PCBP3: variants seen among roughly 807,000 people sequenced by gnomAD.
PCBP3 encodes poly(rC) binding protein 3.
A neutral mutation model predicts 52.7 loss-of-function variants in PCBP3; 25 were observed. That is an observed-to-expected ratio of 0.47 (90% CI 0.35 to 0.66). The LOEUF (loss-of-function observed/expected upper bound fraction) is 0.66, where lower values mean the gene tolerates loss of function less well. Ranked by LOEUF, PCBP3 falls within the 30% of genes least tolerant of loss-of-function variation. The probability of loss-of-function intolerance (pLI) is 0.01; values close to 1 mark genes in which losing one functional copy is unlikely to be tolerated. For missense variants in PCBP3, 391 were observed against 490.3 expected (o/e 0.80, Z 1.91); for synonymous variants, 162 against 183.0 (o/e 0.89, Z 0.93).
At chr21:45,843,801 G>T (rs906915451) in intron 4 of PCBP3, among the ~76,000 whole-genome samples, 1 of 152,204 alleles carries the variant, frequency 6.6e-6, no homozygotes, top group East Asian at 1.9e-4. Context: ...TTTTTGTTTT[G>T]TTCTCTGAGA....
At chr21:45,834,447 C>T (rs2093532517) in intron 4 of PCBP3, among the ~76,000 whole-genome samples, 1 of 152,224 alleles carries the variant, frequency 6.6e-6, no homozygotes, top group Non-Finnish European at 1.5e-5. Flanking sequence ...GGGGTGGCGT[C>T]CCCATGCAGC....
At position 45,909,440 on chromosome 21, in the gene PCBP3, G is replaced by A; in HGVS notation, c.425G>A (p.Gly142Glu). 1.2e-6 allele frequency: 2 copies of A among 1,613,468 alleles called. No homozygotes were observed. Among genetic ancestry groups the A allele is most frequent in the Non-Finnish European group, 1.7e-6 (2 of 1,179,790 alleles). Reference sequence around the variant, plus strand: ...CTGGTGGTGCCTGCCAGCCAGTGTGGGTCCCTGATCGGCAAAGGAGGCTCC... The same window carrying A: ...CTGGTGGTGCCTGCCAGCCAGTGTGAGTCCCTGATCGGCAAAGGAGGCTCC... Reference protein sequence around the residue: ...LRLVVPASQCGSLIGKGGSKI... With the variant: ...LRLVVPASQCESLIGKGGSKI... Residue 142 changes from glycine (G) to glutamate (E), a missense_variant, in exon 10 of 18, where the codon GGG becomes GAG. Gly to Glu is a moderately conservative substitution (Grantham distance 98, BLOSUM62 -2). Transcript: ENST00000681687.
intron 5 of PCBP3, among the ~76,000 whole-genome samples, chr21:45,851,528 G>A (rs2094002638): frequency 6.6e-6 from 1 of 151,972 alleles, no homozygotes; most frequent in African/African-American, 2.4e-5. Flanking sequence ...GAAAGAAAGT[G>A]AAGGGATGAT....
intron 4 of PCBP3, among the ~76,000 whole-genome samples, chr21:45,799,003 TAGAG>T (rs1398503731): frequency 6.7e-6 from 1 of 149,504 alleles, no homozygotes; most frequent in Non-Finnish European, 1.5e-5. Context: ...CATGGATCCA[TAGAG>T]AGAGTGAATG....
In PCBP3 at chr21:45,791,566, C is replaced by A. The variant is rs2146386180; in HGVS notation, c.-126+36114C>A. 6.6e-6 allele frequency among the ~76,000 whole-genome samples: 1 copy of A among 152,326 alleles called. No individual in the cohort carries two copies. The highest frequency in any genetic ancestry group is 2.4e-5 in the African/African-American group (1 of 41,574). On this transcript the variant is annotated intron_variant, in intron 4 of 17. Coordinates refer to ENST00000681687, the MANE Select transcript of PCBP3 (RefSeq NM_001384156.1). The surrounding 1 kb of genome is among the most constrained non-coding windows in gnomAD (Gnocchi z 4.2). ...GATCTGGGCTAGGGAAGGAGAGAAG[C>A]TCGCGAGGGAGGTGTGCAACAGCCG...
At chr21:45,666,037 T>C (rs1277535409) in intron 1 of PCBP3, among the ~76,000 whole-genome samples, 1 of 152,184 alleles carries the variant, frequency 6.6e-6, no homozygotes, top group East Asian at 1.9e-4. Flanking sequence ...ATTATCTCAA[T>C]AGATGCAGAA....
Position 45,853,752 on chromosome 21 carries a change from C to T in PCBP3, c.10+3657C>T, listed in dbSNP as rs559071423. 7.0e-4 allele frequency among the ~76,000 whole-genome samples: 107 copies of T among 152,262 alleles called. No homozygotes were observed. The highest frequency in any genetic ancestry group is 1.3e-3 in the Non-Finnish European group (89 of 68,032). ...CATTCTGCCTGTGTGAGTACAGACG[C>T]GTGCATAGGAAATTAAATACACACA... On this transcript the variant is annotated intron_variant, in intron 5 of 17. Coordinates refer to ENST00000681687, the MANE Select transcript of PCBP3 (RefSeq NM_001384156.1). This position sits in a 1 kb window ranked among gnomAD's most constrained non-coding sequence, Gnocchi z 4.6.
chr21:45,647,134 G>A (rs922510469), intron 1 of PCBP3, among the ~76,000 whole-genome samples: 3 of 152,186 alleles, frequency 2.0e-5, no homozygotes, highest in Non-Finnish European at 4.4e-5. Flanking sequence ...TGTATATCAA[G>A]CTAAGCAGTG....
intron 2 of PCBP3, among the ~76,000 whole-genome samples, chr21:45,693,393 A>G (rs2082595485): frequency 1.3e-5 from 2 of 152,146 alleles, no homozygotes; most frequent in Admixed American, 1.3e-4. Flanking sequence ...AAAATGACAA[A>G]AAGCATGTTT....
chr21:45,763,168 C>G (rs1339984525), intron 4 of PCBP3: 1 of 152,278 alleles, frequency 6.6e-6, no homozygotes, highest in Non-Finnish European at 1.5e-5. Flanking sequence ...TCAGCTGAGC[C>G]GCACAAGCAG....
chr21:45,933,464 C>T (rs2076545814), intron 15 of PCBP3, among the ~76,000 whole-genome samples: 1 of 152,232 alleles, frequency 6.6e-6, no homozygotes, highest in Non-Finnish European at 1.5e-5. Context: ...ACAGGTCTGG[C>T]TCACTCCTCT....
At chr21:45,854,817 C>T (rs1273781267) in intron 5 of PCBP3, among the ~76,000 whole-genome samples, 1 of 152,216 alleles carries the variant, frequency 6.6e-6, no homozygotes, top group Non-Finnish European at 1.5e-5. Context: ...TGAAATGAAG[C>T]TGGGTGTGGG....
Position 45,930,962 on chromosome 21 carries a change from G to A in PCBP3, c.856+117G>A, listed in dbSNP as rs549091683. ...GTTTCCAGCTTCCATGGGAGGCTGT[G>A]GGCCAGCCTCAGGTGCTGCCAAGGG... On this transcript the variant is annotated intron_variant, in intron 15 of 17. Transcript: ENST00000681687. 6.1e-4 allele frequency: 869 copies of A among 1,418,146 alleles called. 2 individuals carry two copies. Among genetic ancestry groups the A allele is most frequent in the Middle Eastern group, 1.2e-3 (5 of 4,198 alleles). 87.8% of individuals were successfully genotyped at this position (1,418,146 alleles called of 1,614,324 possible). A position where few individuals can be genotyped will look rare whatever the true frequency, so the allele number is the denominator to read the frequency against.
At chr21:45,881,873 C>T (rs114389193) in intron 5 of PCBP3, among the ~76,000 whole-genome samples, 282 of 152,340 alleles carry the variant, frequency 1.9e-3, no homozygotes, top group Middle Eastern at 6.8e-3. Flanking sequence ...TCCGCAGTGA[C>T]ACAGATGACA....
chr21:45,652,817 A>G (rs918498920), intron 1 of PCBP3, among the ~76,000 whole-genome samples: 9 of 152,038 alleles, frequency 5.9e-5, no homozygotes, highest in African/African-American at 2.2e-4. Context: ...TTCCTTTCTT[A>G]TAGCTGTTCT....
At chr21:45,756,994 G>T (rs2088117229) in intron 4 of PCBP3, among the ~76,000 whole-genome samples, 1 of 152,140 alleles carries the variant, frequency 6.6e-6, no homozygotes, top group Non-Finnish European at 1.5e-5. Flanking sequence ...AAACATTCCT[G>T]TACAAGTTTT....
intron 1 of PCBP3, among the ~76,000 whole-genome samples, chr21:45,648,941 T>A (rs1053493453): frequency 6.6e-6 from 1 of 152,252 alleles, no homozygotes; most frequent in African/African-American, 2.4e-5. Flanking sequence ...ATGTTCAGTT[T>A]TAATGTAGTC....
intron 4 of PCBP3, among the ~76,000 whole-genome samples, chr21:45,775,632 T>A (rs1342164113): frequency 1.3e-5 from 2 of 152,204 alleles, no homozygotes; most frequent in Non-Finnish European, 2.9e-5. Flanking sequence ...TTGCCCAGAC[T>A]GGTCTTGAAC....
intron 2 of PCBP3, among the ~76,000 whole-genome samples, chr21:45,694,366 G>T (rs2082649312): frequency 1.3e-5 from 2 of 152,132 alleles, no homozygotes; most frequent in Admixed American, 6.5e-5. Context: ...TAGGTTGAAA[G>T]TAGACGAGAA....
Sources: gnomAD v4.1 joint callset for allele counts (sites outside exome capture counted in the v4.1 genomes callset) on GRCh38, gnomAD v4.1.1 for gene constraint, Gnocchi (gnomAD v3.1) non-coding constraint, MANE v1.5 for transcripts, NCBI Gene and HGNC (gene_info 2026-07-23, HGNC 2026-07-21) for gene names.